NUBPL: variants seen among roughly 807,000 people sequenced by gnomAD.
NUBPL encodes the protein NUBP iron-sulfur cluster assembly factor, mitochondrial, also known as iron-sulfur cluster transfer protein NUBPL.
Under a neutral mutation model 45.7 loss-of-function variants are expected in NUBPL, and 31 were observed. That is an observed-to-expected ratio of 0.68 (90% confidence interval 0.51 to 0.92). The LOEUF is 0.92. Among genes scored for constraint, NUBPL ranks in the 40% least tolerant of loss-of-function variants. The probability of loss-of-function intolerance (pLI) is 0.00; values close to 1 mark genes in which losing one functional copy is unlikely to be tolerated. For synonymous variants in NUBPL, 144 were observed against 140.9 expected (o/e 1.02, Z -0.15); for missense variants, 401 against 398.7 (o/e 1.01, Z -0.05).
At chr14:31,698,757 A>C (rs2037269248) in intron 6 of NUBPL, among the ~76,000 whole-genome samples, 1 of 152,130 alleles carries the variant, frequency 6.6e-6, no homozygotes, top group Non-Finnish European at 1.5e-5. Context: ...ATTTGCCTTC[A>C]TAGGCATGTG....
intron 4 of NUBPL, among the ~76,000 whole-genome samples, chr14:31,604,269 A>C (rs75387359): frequency 0.015 from 2,347 of 152,208 alleles, 28 homozygotes; most frequent in South Asian, 0.053. Flanking sequence ...TTCACTTAAA[A>C]GAATGTGGAA....
intron 6 of NUBPL, among the ~76,000 whole-genome samples, chr14:31,688,663 T>C (rs2037020906): frequency 6.7e-6 from 1 of 149,634 alleles, no homozygotes; most frequent in South Asian, 2.1e-4. Context: ...TTGTTGTTTT[T>C]TTTTTTTTTT....
intron 4 of NUBPL, among the ~76,000 whole-genome samples, chr14:31,600,776 T>G (rs2034411966): frequency 6.6e-6 from 1 of 151,468 alleles, no homozygotes; most frequent in African/African-American, 2.4e-5. Context: ...CATTTGTCAA[T>G]TTTGGCTTTT....
chr14:31,712,292 C>T (rs906291527), intron 6 of NUBPL, among the ~76,000 whole-genome samples: 1 of 152,248 alleles, frequency 6.6e-6, no homozygotes, highest in African/African-American at 2.4e-5. Flanking sequence ...CAGGTCACCA[C>T]CCAACCCAGA....
chr14:31,767,879 C>T (rs1472266203), intron 6 of NUBPL, among the ~76,000 whole-genome samples: 4 of 152,076 alleles, frequency 2.6e-5, no homozygotes, highest in Admixed American at 6.5e-5. Flanking sequence ...TGTCTACATA[C>T]GTACATACAT....
chr14:31,769,008 C>T (rs545617006), intron 6 of NUBPL, among the ~76,000 whole-genome samples: 5 of 152,112 alleles, frequency 3.3e-5, no homozygotes, highest in East Asian at 3.9e-4. Context: ...CAAGATCAGC[C>T]GCAGTTACAA....
intron 3 of NUBPL, among the ~76,000 whole-genome samples, chr14:31,580,702 G>C (rs1327517074): frequency 6.6e-6 from 1 of 152,206 alleles, no homozygotes; most frequent in Non-Finnish European, 1.5e-5. Flanking sequence ...CATGACATTT[G>C]AGCAGACATC....
chr14:31,682,820 G>A (rs1480319967), intron 6 of NUBPL, among the ~76,000 whole-genome samples: 4 of 152,156 alleles, frequency 2.6e-5, no homozygotes, highest in Non-Finnish European at 5.9e-5. Flanking sequence ...GAATACCTGA[G>A]GCTGGGTAAT....
intron 6 of NUBPL, among the ~76,000 whole-genome samples, chr14:31,745,983 G>A (rs1170896042): frequency 6.6e-6 from 1 of 152,066 alleles, no homozygotes; most frequent in East Asian, 1.9e-4. Context: ...AGTAATTGGT[G>A]GGCGGATGCT....
chr14:31,812,641 C>T (rs1340703954), intron 7 of NUBPL, among the ~76,000 whole-genome samples: 2 of 152,198 alleles, frequency 1.3e-5, no homozygotes, highest in Admixed American at 6.5e-5. Context: ...TTGGCCTGCA[C>T]CCACTTTCAC....
chr14:31,750,433 G>A (rs1036137551), intron 6 of NUBPL, among the ~76,000 whole-genome samples: 8 of 148,880 alleles, frequency 5.4e-5, no homozygotes, highest in Non-Finnish European at 1.0e-4. Flanking sequence ...TCCTGACCTC[G>A]TGATCCTCCC....
In NUBPL at chr14:31,715,420, G is replaced by A. The variant is rs187462009; in HGVS notation, c.513+41846G>A. Among the ~76,000 whole-genome samples the A allele has an allele frequency of 3.2e-4, 49 of 152,228 alleles. No individual in the cohort carries two copies. The South Asian group carries it at 4.1e-3, about 13-fold the overall frequency. ...TCCATAGGCAATTTTGTCATTGTGC[G>A]AACATCATAGAGTGTACTTCCACAA... On this transcript the variant is annotated intron_variant, in intron 6 of 10. Coordinates refer to ENST00000281081, the MANE Select transcript of NUBPL (RefSeq NM_025152.3).
intron 8 of NUBPL, among the ~76,000 whole-genome samples, chr14:31,829,398 G>C (rs2040154735): frequency 6.6e-6 from 1 of 152,070 alleles, no homozygotes; most frequent in African/African-American, 2.4e-5. Context: ...GCAAGTGAAT[G>C]AGTGAGAACT....
At chr14:31,767,224 G>A (rs547673418) in intron 6 of NUBPL, among the ~76,000 whole-genome samples, 3 of 152,120 alleles carry the variant, frequency 2.0e-5, no homozygotes, top group Admixed American at 2.0e-4. Context: ...TTTTTGAGAC[G>A]GAGTTTCGCT....
rs564033456 is a variant in NUBPL, at chr14:31,648,239, C to G, written c.383-25116C>G. Among the ~76,000 whole-genome samples, 13 of 151,968 alleles carry G rather than the reference C, an allele frequency of 8.6e-5. No individual in the cohort carries two copies. In the South Asian group the frequency reaches 2.7e-3, roughly 32 times the overall value. ...CAGAATATCATCAATTCAAACCAGG[C>G]AATTAAAAGTTGTATTAAGAGGTTG... is the stretch of plus-strand genomic sequence containing the variant. On this transcript the variant is annotated intron_variant, in intron 4 of 10. Coordinates refer to ENST00000281081, the MANE Select transcript of NUBPL (RefSeq NM_025152.3).
intron 4 of NUBPL, among the ~76,000 whole-genome samples, chr14:31,630,997 C>T (rs1024121380): frequency 6.6e-6 from 1 of 152,070 alleles, no homozygotes; most frequent in African/African-American, 2.4e-5. Flanking sequence ...GCTGCCTTGG[C>T]TTCCCCTAAC....
chr14:31,724,930 G>A (rs2037887676), intron 6 of NUBPL, among the ~76,000 whole-genome samples: 1 of 152,060 alleles, frequency 6.6e-6, no homozygotes, highest in African/African-American at 2.4e-5. Context: ...GAAAGGGAGT[G>A]AGCCATCCAG....
At chr14:31,829,553 TA>T (rs1257620259) in intron 8 of NUBPL, among the ~76,000 whole-genome samples, 1 of 152,186 alleles carries the variant, frequency 6.6e-6, no homozygotes, top group East Asian at 1.9e-4. Context: ...AAAGTAATAG[TA>T]AAGGATTTGA....
intron 1 of NUBPL, chr14:31,561,815 C>T: frequency 1.7e-6 from 1 of 591,920 alleles, no homozygotes; most frequent in Non-Finnish European, 2.9e-6. Flanking sequence ...ACGTGGAAGC[C>T]TTATCTCCGT....
Sources: gnomAD v4.1 joint callset for allele counts (sites outside exome capture counted in the v4.1 genomes callset) on GRCh38, gnomAD v4.1.1 for gene constraint, MANE v1.5 for transcripts, NCBI Gene and HGNC (gene_info 2026-07-23, HGNC 2026-07-21) for gene names.